Variants in RFX8 observed in about 807,000 individuals in gnomAD.
RFX8 encodes the protein DNA-binding protein RFX8.
Under a neutral mutation model 54.6 loss-of-function variants are expected in RFX8, and 46 were observed. That is an observed-to-expected ratio of 0.84 (90% CI 0.67 to 1.08). RFX8 has a LOEUF of 1.08. Ranked by LOEUF, RFX8 falls within the 50% of genes least tolerant of loss-of-function variation. The probability of loss-of-function intolerance (pLI) is 0.00; values close to 1 mark genes in which losing one functional copy is unlikely to be tolerated. For missense variants in RFX8, 536 were observed against 562.3 expected (o/e 0.95, Z 0.47); for synonymous variants, 192 against 209.5 (o/e 0.92, Z 0.72).
chr2:101,397,612 T>C lies in RFX8; in HGVS notation c.1358A>G (p.Gln453Arg). 1 of 1,551,274 alleles carries C rather than the reference T, an allele frequency of 6.4e-7. No homozygotes were observed. Among genetic ancestry groups the C allele is most frequent in the Admixed American group, 2.0e-5 (1 of 50,958 alleles). ...TLKDGQQFVI[Q>R]ISDVPQSSED... is the part of the protein sequence containing the mutation. ...AGAGCTTTGGGGTACATCTGATATC[T>C]GAATCACAAATTGTTGTCCATCTTT... The change falls in exon 12 of 12, where the codon CAG becomes CGG. Residue 453 changes from glutamine to arginine, a missense_variant. Gln to Arg is a conservative substitution (Grantham distance 43). Transcript: ENST00000428343.
At chr2:101,433,026 CG>C (rs1640839203) in intron 2 of RFX8, among the ~76,000 whole-genome samples, 2 of 151,696 alleles carry the variant, frequency 1.3e-5, no homozygotes, top group South Asian at 4.2e-4. Flanking sequence ...GAGGGAAGGG[CG>C]GGGTCAGCTG....
chr2:101,410,389 ACT>A lies in RFX8; in HGVS notation c.813+228_813+229del, dbSNP rs1188163824. Among the ~76,000 whole-genome samples the A allele has an allele frequency of 4.3e-3, 219 of 51,254 alleles. 1 individual carries two copies. Among genetic ancestry groups the A allele is most frequent in the African/African-American group, 0.019 (212 of 11,404 alleles). The allele number at this position is 51,254 out of a possible 152,430, so 33.6% of individuals were successfully genotyped here. On this transcript the variant is annotated intron_variant, in intron 9 of 11. Coordinates refer to ENST00000428343, the MANE Select transcript of RFX8 (RefSeq NM_001145664.2). ...CCCACACACCCAAACATATGCCCAC[ACT>A]CACACACACACACACACACACACAC...
chr2:101,412,394 T>C lies in RFX8; in HGVS notation c.718+521A>G, dbSNP rs1686192246. ...AACAATGACAATGATCAATAGCAAA[T>C]GGCAAGAATATCCACCTGCTTCCTG... On this transcript the variant is annotated intron_variant, in intron 8 of 11. Transcript: ENST00000428343. Among the ~76,000 whole-genome samples, 2 of 152,082 alleles carry C rather than the reference T, an allele frequency of 1.3e-5. 1 individual carries two copies. Among genetic ancestry groups the C allele is most frequent in the South Asian group, 4.1e-4 (2 of 4,824 alleles).
chr2:101,441,108 A>G (rs10865043), intron 2 of RFX8, among the ~76,000 whole-genome samples: 114,907 of 151,782 alleles, frequency 0.76, 44,440 homozygotes, highest in Middle Eastern at 0.88. Context: ...CCGGGACTAC[A>G]GGCGCCCGCC....
intron 5 of RFX8, among the ~76,000 whole-genome samples, chr2:101,418,126 G>A (rs1052226122): frequency 5.9e-5 from 9 of 151,916 alleles, no homozygotes; most frequent in Admixed American, 3.3e-4. Flanking sequence ...TCCTGACCTC[G>A]TGATCCACCC....
rs945334037 is a variant in RFX8 at position 101,472,712 on chromosome 2, T to C, written c.-53+1924A>G. Among the ~76,000 whole-genome samples, 5 of 152,190 alleles carry C rather than the reference T, an allele frequency of 3.3e-5. 1 individual carries two copies. The highest frequency in any genetic ancestry group is 9.6e-5 in the African/African-American group (4 of 41,522). ...GCCAAAACAAACAAAAAAAATCTCA[T>C]AATGTTTTAACAAAGTTTATGAAGG... On this transcript the variant is annotated intron_variant, in intron 1 of 11. Transcript: ENST00000428343.
chr2:101,458,616 G>A (rs79830445), intron 2 of RFX8, among the ~76,000 whole-genome samples: 5,037 of 152,174 alleles, frequency 0.033, 288 homozygotes, highest in African/African-American at 0.12. Flanking sequence ...TGGGTAACTC[G>A]ACCTTTCTCT....
At chr2:101,440,991 G>A (rs1429785643) in intron 2 of RFX8, among the ~76,000 whole-genome samples, 1 of 51,766 alleles carries the variant, frequency 1.9e-5, no homozygotes, top group African/African-American at 6.2e-5. Flanking sequence ...TTTTGAGACA[G>A]AGTCTTGCTC....
At chr2:101,466,706 A>ATTT in intron 2 of RFX8, 71 bp downstream of exon 2, 1 of 1,104,894 alleles carries the variant, frequency 9.1e-7, no homozygotes, top group Non-Finnish European at 1.4e-6. Context: ...ACATTGCAAC[A>ATTT]TTTCCTCCAA....
At chr2:101,444,675 A>G (rs984504929) in intron 2 of RFX8, among the ~76,000 whole-genome samples, 2 of 152,254 alleles carry the variant, frequency 1.3e-5, no homozygotes, top group South Asian at 4.1e-4. Context: ...TATAAGTCAT[A>G]CAAAAGAATC....
chr2:101,461,355 T>C (rs2148987605), intron 2 of RFX8, among the ~76,000 whole-genome samples: 1 of 152,078 alleles, frequency 6.6e-6, no homozygotes, highest in East Asian at 1.9e-4. Flanking sequence ...AATGCAGTAT[T>C]AGAGGCTAGA....
chr2:101,442,089 A>C (rs1165976740), intron 2 of RFX8, among the ~76,000 whole-genome samples: 1 of 152,246 alleles, frequency 6.6e-6, no homozygotes, highest in East Asian at 1.9e-4. Context: ...CATAGTGGTC[A>C]CATGAGTATT....
chr2:101,445,523 G>C (rs1688325948), intron 2 of RFX8, among the ~76,000 whole-genome samples: 1 of 151,830 alleles, frequency 6.6e-6, no homozygotes, highest in African/African-American at 2.4e-5. Flanking sequence ...TTCCTGAATA[G>C]CTGGGACCGC....
chr2:101,451,442 C>G (rs970339570), intron 2 of RFX8, among the ~76,000 whole-genome samples: 2 of 151,996 alleles, frequency 1.3e-5, no homozygotes, highest in African/African-American at 4.8e-5. Context: ...AATCTCAGCA[C>G]TTTGGGAGGC....
At chr2:101,406,835 A>G (rs78432877) in intron 9 of RFX8, among the ~76,000 whole-genome samples, 1,667 of 152,308 alleles carry the variant, frequency 0.011, 17 homozygotes, top group Non-Finnish European at 0.02. Flanking sequence ...AGTGGTGCCT[A>G]TTTGGAAAAG....
At position 101,421,260 on chromosome 2, in the gene RFX8, A is replaced by G. The variant is rs555799342; in HGVS notation, c.237+464T>C. ...AGATGAAACTCAGAATAGCTGAAAG[A>G]TTTATTCATGTTTTCCACAGCCAAT... On this transcript the variant is annotated intron_variant, in intron 4 of 11. Transcript: ENST00000428343. 8 of 985,832 alleles carry G rather than the reference A, an allele frequency of 8.1e-6. No individual in the cohort carries two copies. The African/African-American group carries it at 1.2e-4, about 15-fold the overall frequency. The allele number at this position is 985,832 out of a possible 1,614,324, so 61.1% of individuals were successfully genotyped here.
At chr2:101,433,055 G>A (rs918004049) in intron 2 of RFX8, among the ~76,000 whole-genome samples, 2 of 152,138 alleles carry the variant, frequency 1.3e-5, no homozygotes, top group African/African-American at 2.4e-5. Context: ...AGGGAGAAGA[G>A]CCCAGATGGG....
chr2:101,459,434 C>T (rs974031833), intron 2 of RFX8, among the ~76,000 whole-genome samples: 5 of 152,088 alleles, frequency 3.3e-5, no homozygotes, highest in Admixed American at 1.3e-4. Flanking sequence ...CATGTTATTC[C>T]TTTCTGTTTG....
intron 2 of RFX8, chr2:101,452,253 C>A: frequency 2.1e-6 from 1 of 486,362 alleles, no homozygotes; most frequent in Non-Finnish European, 3.5e-6. Flanking sequence ...GGAATTAATG[C>A]GAATTGTGGA....
Sources: gnomAD v4.1 joint callset for allele counts (sites outside exome capture counted in the v4.1 genomes callset) on GRCh38, gnomAD v4.1.1 for gene constraint, MANE v1.5 for transcripts, NCBI Gene and HGNC (gene_info 2026-07-23, HGNC 2026-07-21) for gene names.